Variants in P2RX4 observed in about 807,000 individuals in gnomAD.
P2RX4 encodes the protein purinergic receptor P2X 4, also known as P2X purinoceptor 4.
Under a neutral mutation model 48.0 loss-of-function variants are expected in P2RX4, and 37 were observed. The observed-to-expected ratio is 0.77, with a 90% CI of 0.59 to 1.01. The LOEUF (loss-of-function observed/expected upper bound fraction) is 1.01, where lower values mean the gene tolerates loss of function less well. Ranked by LOEUF, P2RX4 falls within the 50% of genes least tolerant of loss-of-function variation. The probability of loss-of-function intolerance (pLI) is 0.00; values close to 1 mark genes in which losing one functional copy is unlikely to be tolerated. For missense variants in P2RX4, 501 were observed against 521.4 expected, an observed-to-expected ratio of 0.96 and a Z score of 0.38; for synonymous variants, 200 against 199.7, an observed-to-expected ratio of 1.00 and a Z score of -0.01.
At chr12:121,222,027 C>G in intron 3 of P2RX4, 43 bp downstream of exon 3, 1 of 1,596,108 alleles carries the variant, frequency 6.3e-7, no homozygotes, top group Non-Finnish European at 8.6e-7. Flanking sequence ...ACACCCCTCT[C>G]CACGCCTGTC....
chr12:121,228,833 C>A lies in P2RX4; in HGVS notation c.714C>A (p.Asn238Lys). Residue 238 changes from asparagine to lysine, a missense_variant, in exon 7 of 12, where the codon AAC (asparagine) becomes AAA (lysine). Coordinates refer to ENST00000337233, the MANE Select transcript of P2RX4 (RefSeq NM_002560.3). The stretch of plus-strand genomic sequence containing the variant: ...TCCGTCTTGGCAAAATAGTGGAGAA[C>A]GCAGGACACAGTTTCCAGGACATGG... Reference protein sequence around the residue: ...PIFRLGKIVENAGHSFQDMAV... With the variant: ...PIFRLGKIVEKAGHSFQDMAV... 2 of 1,614,134 alleles carry A rather than the reference C, an allele frequency of 1.2e-6. No individual in the cohort carries two copies. Among genetic ancestry groups the A allele is most frequent in the Non-Finnish European group, 1.7e-6 (2 of 1,180,040 alleles).
At position 121,229,007 on chromosome 12, in the gene P2RX4, C is replaced by G; in HGVS notation, c.792C>G (p.Asp264Glu). ...GIQVNWDCNL[D>E]RAASLCLPRY... Reference sequence around the variant, plus strand: ...AGGTCAACTGGGACTGCAACCTGGACAGAGCCGCCTCCCTCTGCTTGCCCA... The same window carrying G: ...AGGTCAACTGGGACTGCAACCTGGAGAGAGCCGCCTCCCTCTGCTTGCCCA... Residue 264 changes from aspartate to glutamate, a missense_variant, in exon 8 of 12, where the codon GAC (aspartate) becomes GAG (glutamate). By Grantham distance (45) the Asp-to-Glu change is conservative. Coordinates refer to ENST00000337233, the MANE Select transcript of P2RX4 (RefSeq NM_002560.3). The surrounding 1 kb of genome is among the most constrained non-coding windows in gnomAD (Gnocchi z 4.6). 6.2e-7 allele frequency: 1 copy of G among 1,614,110 alleles called. No individual in the cohort carries two copies. The highest frequency in any genetic ancestry group is 1.1e-5 in the South Asian group (1 of 91,092).
chr12:121,213,422 C>G (rs779701083), intron 1 of P2RX4: 1 of 152,010 alleles, frequency 6.6e-6, no homozygotes, highest in Non-Finnish European at 1.5e-5. Flanking sequence ...AAGACACTGT[C>G]TCAAAAAAAC....
chr12:121,231,775 A>G (rs1887374412), intron 8 of P2RX4, among the ~76,000 whole-genome samples: 1 of 152,016 alleles, frequency 6.6e-6, no homozygotes, highest in Non-Finnish European at 1.5e-5. Flanking sequence ...AAATAAATAA[A>G]TTTAAAAAGC....
At chr12:121,223,712 C>T (rs924118490) in intron 5 of P2RX4, among the ~76,000 whole-genome samples, 2 of 152,066 alleles carry the variant, frequency 1.3e-5, no homozygotes, top group East Asian at 1.9e-4. Context: ...GCGTGCACAG[C>T]GGGGGGGCAG....
In P2RX4 at chr12:121,229,018, C is replaced by A; in HGVS notation, c.803C>A (p.Ser268Tyr). The change falls in exon 8 of 12, where the codon TCC (serine) becomes TAC (tyrosine). Residue 268 changes from serine to tyrosine, a missense_variant. By Grantham distance (144) the Ser-to-Tyr change is moderately radical. This residue lies in a region of P2RX4 where 197 missense variants were observed against 219.5 expected (regional missense o/e 0.90). Coordinates refer to ENST00000337233, the MANE Select transcript of P2RX4 (RefSeq NM_002560.3). This position sits in a 1 kb window ranked among gnomAD's most constrained non-coding sequence, Gnocchi z 4.6. ...NWDCNLDRAA[S>Y]LCLPRYSFRR... The stretch of plus-strand genomic sequence containing the variant: ...GACTGCAACCTGGACAGAGCCGCCT[C>A]CCTCTGCTTGCCCAGGTACTCCTTC... 1 of 1,614,082 alleles carries A rather than the reference C, an allele frequency of 6.2e-7. No homozygotes were observed. Among genetic ancestry groups the A allele is most frequent in the Non-Finnish European group, 8.5e-7 (1 of 1,180,020 alleles).
At chr12:121,226,882 G>A (rs1417226133) in intron 5 of P2RX4, among the ~76,000 whole-genome samples, 1 of 152,014 alleles carries the variant, frequency 6.6e-6, no homozygotes, top group Non-Finnish European at 1.5e-5. Flanking sequence ...GGAGACCGAG[G>A]TGGGTGGATC....
At position 121,229,794 on chromosome 12, in the gene P2RX4, T is replaced by C. The variant is rs943637650; in HGVS notation, c.884+695T>C. Among the ~76,000 whole-genome samples, 8 of 152,194 alleles carry C rather than the reference T, an allele frequency of 5.3e-5. No homozygotes were observed. The highest frequency in any genetic ancestry group is 1.9e-4 in the African/African-American group (8 of 41,442). ...GTAGCCCACGGTGTTCCTTGGCTTG[T>C]GGATGCATCACTCCAGTCTCTGCCT... On this transcript the variant is annotated intron_variant, in intron 8 of 11. Transcript: ENST00000337233. The surrounding 1 kb of genome is among the most constrained non-coding windows in gnomAD (Gnocchi z 4.6).
rs572357299 is a variant in P2RX4 at position 121,216,904 on chromosome 12, G to T, written c.135-230G>T. ...TCTCTGTGCCATCAGTGTGCTGAGT[G>T]CTTTACCTGCACCATCTCATTTATT... On this transcript the variant is annotated intron_variant, in intron 1 of 11. Coordinates refer to ENST00000337233, the MANE Select transcript of P2RX4 (RefSeq NM_002560.3). 7.9e-4 allele frequency: 553 copies of T among 703,780 alleles called. 1 individual carries two copies. Among genetic ancestry groups the T allele is most frequent in the Non-Finnish European group, 1.1e-3 (407 of 385,080 alleles). The allele number at this position is 703,780 out of a possible 1,614,324, so 43.6% of individuals were successfully genotyped here.
chr12:121,219,189 C>A lies in P2RX4; in HGVS notation c.282+1908C>A, dbSNP rs1886416014. 2.0e-5 allele frequency among the ~76,000 whole-genome samples: 3 copies of A among 152,160 alleles called. No individual in the cohort carries two copies. In the South Asian group the frequency reaches 6.2e-4, roughly 32 times the overall value. On this transcript the variant is annotated intron_variant, in intron 2 of 11. Transcript: ENST00000337233. ...AACGTGACAGGTGGCGGGAGAGAGG[C>A]TGCAGCTCATGCCACATCCTCACGC...
intron 1 of P2RX4, chr12:121,213,544 T>C (rs1886027947): frequency 6.6e-6 from 1 of 152,204 alleles, no homozygotes; most frequent in Admixed American, 6.5e-5. Flanking sequence ...CCTGTCTCTT[T>C]TTTCTTTTTT....
intron 1 of P2RX4, chr12:121,213,069 C>T (rs1027901539): frequency 2.0e-5 from 3 of 151,586 alleles, no homozygotes; most frequent in Admixed American, 1.3e-4. Context: ...AACACTTAAC[C>T]GTTCCTACTC....
chr12:121,212,824 A>ATATATATATATATATATAT (rs370835501), intron 1 of P2RX4: 1 of 32,262 alleles, frequency 3.1e-5, no homozygotes, highest in Non-Finnish European at 4.8e-5. Context: ...ATATATATAT[A>ATATATATATATATATATAT]TTTTTTTTTT....
At chr12:121,217,360 C>A in intron 2 of P2RX4, 79 bp downstream of exon 2, 2 of 1,455,616 alleles carry the variant, frequency 1.4e-6, no homozygotes, top group South Asian at 1.2e-5. Flanking sequence ...TAATGATTGA[C>A]GTGGCCTGAG....
At chr12:121,231,897 C>T (rs1217251384) in intron 8 of P2RX4, among the ~76,000 whole-genome samples, 5 of 149,502 alleles carry the variant, frequency 3.3e-5, no homozygotes, top group African/African-American at 1.2e-4. Context: ...CCCAGCTACT[C>T]GGGAGGCTGA....
At chr12:121,224,435 C>G (rs1886850065) in intron 5 of P2RX4, among the ~76,000 whole-genome samples, 1 of 151,990 alleles carries the variant, frequency 6.6e-6, no homozygotes. Flanking sequence ...GAAACCCCGT[C>G]TCCACTAAAA....
In P2RX4 at chr12:121,233,092, G is replaced by A. The variant is rs765112623; in HGVS notation, c.1140G>A (p.Gln380=). The change falls in exon 11 of 12, where the codon CAG becomes CAA. Residue 380 remains glutamine (Q), a splice_region_variant and synonymous_variant. Transcript: ENST00000337233. ...ATAAATATGTGGAAGATTACGAGCA[G>A]GTAGGCCCCTCCTGGCCCCCAGCAG... The part of the protein sequence containing the change: ...KKYKYVEDYE[Q]GLASELDQ 12 of 1,603,012 alleles carry A rather than the reference G, an allele frequency of 7.5e-6. 1 individual carries two copies. In the South Asian group the frequency reaches 1.3e-4, roughly 18 times the overall value.
chr12:121,233,844 C>A lies in P2RX4; in HGVS notation c.*295C>A. ...AGTGGCACTGCTGTGGCTTTCAGGG[C>A]TGGAGCTGGCTTTGCTCAGAAGCCT... is the stretch of plus-strand genomic sequence containing the variant. On this transcript the variant is annotated 3_prime_UTR_variant, in exon 12 of 12. Transcript: ENST00000337233. 1 of 521,316 alleles carries A rather than the reference C, an allele frequency of 1.9e-6. No homozygotes were observed. Among genetic ancestry groups the A allele is most frequent in the East Asian group, 3.8e-5 (1 of 26,362 alleles). 32.3% of individuals were successfully genotyped at this position (521,316 alleles called of 1,614,324 possible). A position where few individuals can be genotyped will look rare whatever the true frequency, so the allele number is the denominator to read the frequency against.
chr12:121,233,167 CTGGGG>C, intron 11 of P2RX4, 75 bp downstream of exon 11: 5 of 1,016,432 alleles, frequency 4.9e-6, no homozygotes, highest in Non-Finnish European at 7.5e-6. Context: ...GTGGGCCTGT[CTGGGG>C]AGGCCCTTCT....
Sources: gnomAD v4.1 joint callset for allele counts (sites outside exome capture counted in the v4.1 genomes callset) on GRCh38, gnomAD v4.1.1 for gene constraint, gnomAD v4.1.1 regional missense constraint, Gnocchi (gnomAD v3.1) non-coding constraint, MANE v1.5 for transcripts, NCBI Gene and HGNC (gene_info 2026-07-23, HGNC 2026-07-21) for gene names.